DLGAP1: variants seen among roughly 807,000 people sequenced by gnomAD.
DLGAP1 encodes DLG associated protein 1.
A neutral mutation model predicts 90.8 loss-of-function variants in DLGAP1; 11 were observed. The ratio of observed to expected loss-of-function variants is 0.12; its 90% confidence interval spans 0.08 to 0.20. The LOEUF is 0.20. Ranked by LOEUF, DLGAP1 falls within the 10% of genes least tolerant of loss-of-function variation. The probability of loss-of-function intolerance (pLI) is 1.00; values close to 1 mark genes in which losing one functional copy is unlikely to be tolerated. For missense variants in DLGAP1, 1,050 were observed against 1,333.8 expected (o/e 0.79, Z 3.31); for synonymous variants, 558 against 540.7 (o/e 1.03, Z -0.44).
chr18:3,887,780 C>G (rs2071354772), intron 3 of DLGAP1, among the ~76,000 whole-genome samples: 1 of 150,718 alleles, frequency 6.6e-6, no homozygotes, highest in Non-Finnish European at 1.5e-5. Context: ...GTTCTTACTA[C>G]TAAAAAATGA....
At chr18:4,216,866 CA>C (rs2077969317) in intron 1 of DLGAP1, among the ~76,000 whole-genome samples, 1 of 152,008 alleles carries the variant, frequency 6.6e-6, no homozygotes, top group South Asian at 2.1e-4. Context: ...ATTGATGAGC[CA>C]ATATTAATAT....
intron 9 of DLGAP1, among the ~76,000 whole-genome samples, chr18:3,544,432 G>A (rs2052893274): frequency 1.3e-5 from 2 of 152,068 alleles, no homozygotes; most frequent in South Asian, 2.1e-4. Flanking sequence ...AGTATTCATC[G>A]CCAGCAGTCA....
rs371701889 is a variant in DLGAP1, at chr18:4,435,057, A to C, written c.-267+19949T>G. Among the ~76,000 whole-genome samples the C allele has an allele frequency of 5.3e-5, 8 of 152,320 alleles. No individual in the cohort carries two copies. In the East Asian group the frequency reaches 1.5e-3, roughly 29 times the overall value. On this transcript the variant is annotated intron_variant, in intron 1 of 12. Transcript: ENST00000315677. ...TGGAGGGCTAGACATGAAATGATTT[A>C]ATTTGGGAACTTAGCAAAATTAAAC...
chr18:3,848,063 A>C (rs1043381791), intron 4 of DLGAP1, among the ~76,000 whole-genome samples: 1 of 132,498 alleles, frequency 7.5e-6, no homozygotes, highest in African/African-American at 2.8e-5. Flanking sequence ...AGGTGTTTGA[A>C]GCTGCAGTGA....
chr18:3,981,710 T>C (rs887663128), intron 3 of DLGAP1, among the ~76,000 whole-genome samples: 10 of 152,316 alleles, frequency 6.6e-5, no homozygotes, highest in African/African-American at 2.4e-4. Context: ...ATGCTTGAGA[T>C]TGAAATAAAG....
rs563408269 is a variant in DLGAP1 at position 3,920,064 on chromosome 18, C to T, written c.-72-39924G>A. On this transcript the variant is annotated intron_variant, in intron 3 of 12. Transcript: ENST00000315677. ...AAGCATTTTAAAAATTCACTGGGCC[C>T]GGACACAGTGGCTCATGCCTGTAAT... 1.6e-4 allele frequency among the ~76,000 whole-genome samples: 25 copies of T among 152,212 alleles called. 1 individual carries two copies. Among genetic ancestry groups the T allele is most frequent in the African/African-American group, 4.8e-4 (20 of 41,524 alleles).
intron 11 of DLGAP1, among the ~76,000 whole-genome samples, chr18:3,503,861 C>T (rs528608539): frequency 7.9e-5 from 12 of 152,194 alleles, no homozygotes; most frequent in African/African-American, 2.2e-4. Context: ...TTTGGGAGTC[C>T]GAAGTGGGTG....
At chr18:3,700,240 G>A (rs1394498704) in intron 7 of DLGAP1, among the ~76,000 whole-genome samples, 2 of 152,168 alleles carry the variant, frequency 1.3e-5, no homozygotes, top group Non-Finnish European at 2.9e-5. Flanking sequence ...TGAAACCCAG[G>A]GCCCTGGTGG....
chr18:3,608,767 T>C (rs1293487719), intron 7 of DLGAP1, among the ~76,000 whole-genome samples: 1 of 152,238 alleles, frequency 6.6e-6, no homozygotes, highest in Non-Finnish European at 1.5e-5. Context: ...CTTGCCCTAC[T>C]GTCCCCCAGT....
At chr18:3,616,596 A>C (rs116381047) in intron 7 of DLGAP1, among the ~76,000 whole-genome samples, 1,506 of 149,248 alleles carry the variant, frequency 0.01, 18 homozygotes, top group African/African-American at 0.03. Flanking sequence ...CAAAACAAAA[A>C]AAAAAAAAAT....
intron 4 of DLGAP1, among the ~76,000 whole-genome samples, chr18:3,841,716 T>A (rs1439787873): frequency 6.6e-6 from 1 of 152,144 alleles, no homozygotes; most frequent in African/African-American, 2.4e-5. Context: ...TTTGCAGGAA[T>A]GAGTAGCATA....
chr18:3,945,790 G>GA (rs11400201), intron 3 of DLGAP1, among the ~76,000 whole-genome samples: 151,733 of 151,932 alleles, frequency 1, 75,769 homozygotes, highest in Middle Eastern at 1. Flanking sequence ...AATAATAAAA[G>GA]AAAAAAAAGA....
chr18:4,269,510 T>A (rs990254784), intron 1 of DLGAP1, among the ~76,000 whole-genome samples: 1 of 151,668 alleles, frequency 6.6e-6, no homozygotes, highest in Non-Finnish European at 1.5e-5. Flanking sequence ...CCCACCACCA[T>A]GCGCGGCTAA....
chr18:4,028,752 A>AGGTT (rs140434443), intron 2 of DLGAP1, among the ~76,000 whole-genome samples: 21,634 of 152,146 alleles, frequency 0.14, 2,054 homozygotes, highest in Non-Finnish European at 0.19. Flanking sequence ...CTGAAGTTTA[A>AGGTT]CATTTAAGCA....
intron 7 of DLGAP1, among the ~76,000 whole-genome samples, chr18:3,722,911 G>A (rs567935589): frequency 6.6e-6 from 1 of 152,274 alleles, no homozygotes; most frequent in East Asian, 1.9e-4. Context: ...TCATACTCAA[G>A]CAATAAATAA....
rs146244799 is a variant in DLGAP1 at position 4,339,022 on chromosome 18, C to T, written c.-267+115984G>A. On this transcript the variant is annotated intron_variant, in intron 1 of 12. Transcript: ENST00000315677. ...GGGACAAAATAGTCATTTAACACAC[C>T]GCAGATCAATGATTTCATTTAGAAT... 2.5e-4 allele frequency among the ~76,000 whole-genome samples: 38 copies of T among 152,162 alleles called. No homozygotes were observed. The East Asian group carries it at 4.6e-3, about 19-fold the overall frequency.
At chr18:3,664,183 TACACACACACACACACAC>T (rs35653599) in intron 7 of DLGAP1, among the ~76,000 whole-genome samples, 1 of 135,662 alleles carries the variant, frequency 7.4e-6, no homozygotes, top group Non-Finnish European at 1.6e-5. Context: ...TGGGTCAGTA[TACACACACACACACACAC>T]ACACACACAC....
intron 8 of DLGAP1, chr18:3,580,726 C>T: frequency 6.2e-7 from 1 of 1,613,796 alleles, no homozygotes; most frequent in Non-Finnish European, 8.5e-7. Flanking sequence ...CCTCTCAGGA[C>T]CAGGACAGCC....
chr18:4,251,195 A>G (rs2078772468), intron 1 of DLGAP1, among the ~76,000 whole-genome samples: 1 of 152,202 alleles, frequency 6.6e-6, no homozygotes, highest in Admixed American at 6.5e-5. Context: ...AGAGAGAAAG[A>G]CAGATGGGTG....
Sources: allele counts gnomAD v4.1 joint callset (sites outside exome capture counted in the v4.1 genomes callset), GRCh38; gene constraint gnomAD v4.1.1; transcripts MANE v1.5; gene names NCBI Gene and HGNC (gene_info 2026-07-23, HGNC 2026-07-21).